Variants in USH2A observed in about 807,000 individuals in gnomAD.
The protein encoded by USH2A is usherin, also known as Usher syndrome 2A (autosomal recessive, mild).
In USH2A, 443 loss-of-function variants were observed where a neutral mutation model predicts 538.9. The ratio of observed to expected loss-of-function variants is 0.82; its 90% CI spans 0.76 to 0.89. The LOEUF is 0.89. Among genes scored for constraint, USH2A ranks in the 40% least tolerant of loss-of-function variants. The pLI is 0.00. For synonymous variants in USH2A, 2,413 were observed against 2,273.5 expected (o/e 1.06, Z -1.75); for missense variants, 6,633 against 6,324.8 (o/e 1.05, Z -1.65).
In USH2A at chr1:215,648,639, G is replaced by T; in HGVS notation, c.14471C>A (p.Thr4824Asn). The T allele has an allele frequency of 6.2e-7, 1 of 1,614,212 alleles. No individual in the cohort carries two copies. The highest frequency in any genetic ancestry group is 8.5e-7 in the Non-Finnish European group (1 of 1,180,034). The change falls in exon 66 of 72, where the codon ACC becomes AAC. Residue 4824 changes from threonine to asparagine, a missense_variant. Thr to Asn is a moderately conservative substitution (Grantham distance 65). Transcript: ENST00000307340. ...CAGTCCTGAGGGTGGGGCAGGATGG[G>T]TTCTCAGTTCAGCTGTCGGTCCTTT... Reference protein sequence around the residue: ...CSKGPTAELRTHPAPPSGLSS... With the variant: ...CSKGPTAELRNHPAPPSGLSS...
At chr1:216,327,106 A>T (rs1347319056) in intron 5 of USH2A, among the ~76,000 whole-genome samples, 1 of 152,130 alleles carries the variant, frequency 6.6e-6, no homozygotes, top group Non-Finnish European at 1.5e-5. Flanking sequence ...ATATATCACA[A>T]TACTTCAAAT....
intron 41 of USH2A, among the ~76,000 whole-genome samples, chr1:215,887,818 G>T (rs932760553): frequency 2.6e-5 from 4 of 152,200 alleles, no homozygotes; most frequent in African/African-American, 9.7e-5. Context: ...ATGGAAGCCT[G>T]TGTGTATTTA....
intron 64 of USH2A, among the ~76,000 whole-genome samples, chr1:215,657,733 T>C (rs1657306081): frequency 1.3e-5 from 2 of 152,126 alleles, no homozygotes; most frequent in Admixed American, 6.6e-5. Flanking sequence ...ATGAGCACTT[T>C]TGAAGTTCAG....
intron 22 of USH2A, 58 bp from the exon 23 acceptor site, chr1:216,089,197 A>C: frequency 6.5e-7 from 1 of 1,539,232 alleles, no homozygotes. Context: ...AAATAAACAC[A>C]CACATATTTG....
At chr1:215,695,837 G>A (rs1310064996) in intron 61 of USH2A, among the ~76,000 whole-genome samples, 1 of 152,070 alleles carries the variant, frequency 6.6e-6, no homozygotes, top group African/African-American at 2.4e-5. Context: ...TGCAACCTCT[G>A]CCTCCTGGGT....
intron 38 of USH2A, among the ~76,000 whole-genome samples, chr1:215,903,357 G>A (rs1303960933): frequency 6.6e-6 from 1 of 152,096 alleles, no homozygotes; most frequent in Admixed American, 6.6e-5. Flanking sequence ...ACAACACTTA[G>A]AGGGAATTTA....
At position 215,888,834 on chromosome 1, in the gene USH2A, T is replaced by C. The variant is rs1558146521; in HGVS notation, c.7815A>G (p.Ser2605=). Residue 2605 remains serine (S), a synonymous_variant, in exon 41 of 72, where the codon TCA becomes TCG. Coordinates refer to ENST00000307340, the MANE Select transcript of USH2A (RefSeq NM_206933.4). ...AYKFQVEACT[S]KGCSLSPESQ... ...ACTCTGGTGAAAGGGAACATCCTTTTGAAGTGCAGGCTTCTACCTGAAACT... is the reference window on the plus strand; with the variant it reads ...ACTCTGGTGAAAGGGAACATCCTTTCGAAGTGCAGGCTTCTACCTGAAACT... The C allele has an allele frequency of 1.2e-6, 2 of 1,614,158 alleles. No individual in the cohort carries two copies. The highest frequency in any genetic ancestry group is 2.2e-5 in the East Asian group (1 of 44,878).
chr1:215,826,303 A>C (rs1223751757), intron 47 of USH2A, among the ~76,000 whole-genome samples: 1 of 152,214 alleles, frequency 6.6e-6, no homozygotes, highest in African/African-American at 2.4e-5. Flanking sequence ...ATAAAGGGCA[A>C]CACTCGTGTG....
chr1:215,712,904 C>A (rs1659380250), intron 61 of USH2A, among the ~76,000 whole-genome samples: 1 of 151,866 alleles, frequency 6.6e-6, no homozygotes. Context: ...CTCCTGGGTT[C>A]AAGCAATTCT....
chr1:215,647,546 T>G lies in USH2A; in HGVS notation c.14767A>C (p.Ile4923Leu), dbSNP rs1218896561. 1 of 1,614,084 alleles carries G rather than the reference T, an allele frequency of 6.2e-7. No homozygotes were observed. The highest frequency in any genetic ancestry group is 8.5e-7 in the Non-Finnish European group (1 of 1,179,980). ...CATTCTTTTTGGGTGGTGAAACTGA[T>G]CCACTCGGAAGCCGTACTGCCCACC... ...NEVGSTASEW[I>L]SFTTQKELPQ... The change falls in exon 67 of 72, where the codon ATC becomes CTC. Residue 4923 changes from isoleucine (I) to leucine (L), a missense_variant. Transcript: ENST00000307340.
At chr1:215,944,962 AAT>A (rs142582467) in intron 37 of USH2A, among the ~76,000 whole-genome samples, 4,876 of 152,234 alleles carry the variant, frequency 0.032, 119 homozygotes, top group South Asian at 0.083. Context: ...TTATTTTAAG[AAT>A]ATGATTAGAT....
intron 15 of USH2A, among the ~76,000 whole-genome samples, chr1:216,213,280 C>T (rs542345062): frequency 1.3e-5 from 2 of 152,158 alleles, no homozygotes; most frequent in Admixed American, 6.5e-5. Context: ...AGAATCATAT[C>T]ATCTACAAGT....
chr1:215,723,186 C>T (rs115166596), intron 61 of USH2A, among the ~76,000 whole-genome samples: 304 of 152,220 alleles, frequency 2.0e-3, no homozygotes, highest in African/African-American at 7.1e-3. Flanking sequence ...TTAGAAAGAC[C>T]TACATAGAGA....
intron 3 of USH2A, among the ~76,000 whole-genome samples, chr1:216,402,041 C>T (rs2039314218): frequency 6.6e-6 from 1 of 152,022 alleles, no homozygotes; most frequent in Admixed American, 6.6e-5. Flanking sequence ...AAAAAGATAA[C>T]AGAAGATTTA....
rs116768894 is a variant in USH2A, at chr1:216,417,392, G to T, written c.651+1122C>A. Among the ~76,000 whole-genome samples, 1,023 of 152,186 alleles carry T rather than the reference G, an allele frequency of 6.7e-3. 13 individuals are homozygous for T. Among genetic ancestry groups the T allele is most frequent in the African/African-American group, 0.024 (995 of 41,540 alleles). ...GGATGCTCATATGAGAGCTCATACT[G>T]GAAACTGTGGTACCCAGCACCCCAA... On this transcript the variant is annotated intron_variant, in intron 3 of 71. Coordinates refer to ENST00000307340, the MANE Select transcript of USH2A (RefSeq NM_206933.4).
chr1:215,760,703 T>C (rs1660955854), intron 56 of USH2A, among the ~76,000 whole-genome samples: 1 of 152,182 alleles, frequency 6.6e-6, no homozygotes, highest in Non-Finnish European at 1.5e-5. Flanking sequence ...TAATGATCCC[T>C]GAGACTTTCA....
intron 14 of USH2A, among the ~76,000 whole-genome samples, chr1:216,226,538 G>A (rs2035564985): frequency 6.6e-6 from 1 of 152,128 alleles, no homozygotes; most frequent in African/African-American, 2.4e-5. Flanking sequence ...ACCACCCAAA[G>A]CAGTCTATTG....
chr1:215,821,840 T>C (rs1460714735), intron 47 of USH2A, among the ~76,000 whole-genome samples: 1 of 151,892 alleles, frequency 6.6e-6, no homozygotes, highest in Admixed American at 6.6e-5. Context: ...TTCTTCTGCA[T>C]ATGGATATCT....
At chr1:216,160,554 T>C (rs781238766) in intron 21 of USH2A, among the ~76,000 whole-genome samples, 1 of 151,954 alleles carries the variant, frequency 6.6e-6, no homozygotes, top group Non-Finnish European at 1.5e-5. Context: ...GGAAGACTGC[T>C]TGAGCCCAGG....
Sources: gnomAD v4.1 joint callset for allele counts (sites outside exome capture counted in the v4.1 genomes callset) on GRCh38, gnomAD v4.1.1 for gene constraint, MANE v1.5 for transcripts, NCBI Gene and HGNC (gene_info 2026-07-23, HGNC 2026-07-21) for gene names.